The following ERC1 variants were observed in gnomAD, a reference collection of about 807,000 sequenced individuals.
ERC1 encodes the protein ELKS/RAB6-interacting/CAST family member 1.
ERC1 carries 56 observed loss-of-function variants against 132.0 expected under a neutral mutation model. The ratio of observed to expected loss-of-function variants is 0.42; its 90% CI spans 0.34 to 0.53. The LOEUF (loss-of-function observed/expected upper bound fraction) is 0.53, where lower values mean the gene tolerates loss of function less well. Among genes scored for constraint, ERC1 ranks in the 20% least tolerant of loss-of-function variants. The probability of loss-of-function intolerance (pLI) is 0.03; values close to 1 mark genes in which losing one functional copy is unlikely to be tolerated. For missense variants in ERC1, 1,202 were observed against 1,349.9 expected (o/e 0.89, Z 1.72); for synonymous variants, 478 against 476.1 (o/e 1.00, Z -0.05).
intron 15 of ERC1, among the ~76,000 whole-genome samples, chr12:1,353,904 C>T (rs902665913): frequency 1.3e-5 from 2 of 152,208 alleles, no homozygotes; most frequent in East Asian, 3.8e-4. Flanking sequence ...GCCTGTGAAT[C>T]TTTAACATGT....
intron 12 of ERC1, among the ~76,000 whole-genome samples, chr12:1,223,464 T>C (rs1477828490): frequency 6.6e-6 from 1 of 152,220 alleles, no homozygotes; most frequent in African/African-American, 2.4e-5. Flanking sequence ...ATTTAATAGG[T>C]CTGGCGTCAA....
chr12:1,119,888 C>A (rs1946888147), intron 7 of ERC1, among the ~76,000 whole-genome samples: 1 of 152,044 alleles, frequency 6.6e-6, no homozygotes, highest in Non-Finnish European at 1.5e-5. Flanking sequence ...ATTTCCTCAT[C>A]TATAAAATGA....
chr12:1,309,781 C>T (rs2081156345), intron 15 of ERC1, among the ~76,000 whole-genome samples: 2 of 150,082 alleles, frequency 1.3e-5, no homozygotes, highest in Admixed American at 1.3e-4. Flanking sequence ...GTTAAGGTCA[C>T]AGACTCGAGA....
At chr12:1,221,724 G>T (rs543944674) in intron 12 of ERC1, among the ~76,000 whole-genome samples, 3 of 152,174 alleles carry the variant, frequency 2.0e-5, no homozygotes, top group Non-Finnish European at 4.4e-5. Flanking sequence ...TACTCTTTGG[G>T]CAGGTATTTT....
intron 2 of ERC1, among the ~76,000 whole-genome samples, chr12:1,066,020 GA>G (rs1234799001): frequency 6.6e-6 from 1 of 152,216 alleles, no homozygotes; most frequent in East Asian, 1.9e-4. Context: ...GAAGAATGAG[GA>G]ATGGGAAGAA....
chr12:1,300,900 A>G (rs1416851676), intron 15 of ERC1, among the ~76,000 whole-genome samples: 2 of 152,234 alleles, frequency 1.3e-5, no homozygotes, highest in Admixed American at 6.5e-5. Flanking sequence ...GCGATTCCTC[A>G]AAGACCTAAA....
At chr12:1,009,466 G>A (rs888553835) in intron 1 of ERC1, among the ~76,000 whole-genome samples, 21 of 152,226 alleles carry the variant, frequency 1.4e-4, no homozygotes, top group East Asian at 5.8e-4. Context: ...GAGCCACCGC[G>A]CCCAGCCAAG....
At chr12:1,435,887 C>T (rs889716814) in intron 17 of ERC1, among the ~76,000 whole-genome samples, 1 of 152,276 alleles carries the variant, frequency 6.6e-6, no homozygotes, top group Non-Finnish European at 1.5e-5. Context: ...TCTTGGATTT[C>T]GGGTAATAGC....
In ERC1 at chr12:1,244,617, A is replaced by G. The variant is rs190593369; in HGVS notation, c.2487+7713A>G. The G allele has an allele frequency of 7.2e-4, 319 of 441,424 alleles. 1 individual carries two copies. The highest frequency in any genetic ancestry group is 5.5e-3 in the African/African-American group (271 of 49,522). 27.3% of individuals were successfully genotyped at this position (441,424 alleles called of 1,614,324 possible). ...GCTCACTGCAGCCTCCTTCTACCGG[A>G]TTCAAGTGATTCTCATGCCTCAGCC... On this transcript the variant is annotated intron_variant, in intron 13 of 18. Transcript: ENST00000360905.
At chr12:1,170,670 C>G (rs1216158765) in intron 8 of ERC1, among the ~76,000 whole-genome samples, 1 of 152,190 alleles carries the variant, frequency 6.6e-6, no homozygotes, top group African/African-American at 2.4e-5. Context: ...ATCTACCAGG[C>G]AGATCTTGAC....
intron 12 of ERC1, among the ~76,000 whole-genome samples, chr12:1,196,804 A>G (rs1243723713): frequency 1.4e-4 from 8 of 58,434 alleles, no homozygotes; most frequent in Non-Finnish European, 2.0e-4. Flanking sequence ...TGCGCACGCT[A>G]TTTCTCTCTC....
At chr12:1,063,885 A>G (rs976650216) in intron 2 of ERC1, among the ~76,000 whole-genome samples, 2 of 152,030 alleles carry the variant, frequency 1.3e-5, no homozygotes, top group African/African-American at 2.4e-5. Context: ...TGAATTTTAT[A>G]CTTTTATGTG....
chr12:1,154,990 CTGTA>C (rs1371361508), intron 8 of ERC1, among the ~76,000 whole-genome samples: 1 of 152,098 alleles, frequency 6.6e-6, no homozygotes, highest in Non-Finnish European at 1.5e-5. Flanking sequence ...TTATGGAAAA[CTGTA>C]TGGATATTTT....
chr12:1,139,237 C>A (rs995283082), intron 7 of ERC1, among the ~76,000 whole-genome samples: 27 of 152,048 alleles, frequency 1.8e-4, no homozygotes, highest in African/African-American at 6.5e-4. Context: ...TGTATTCCAC[C>A]CTGGAGGTGA....
At chr12:1,319,319 A>G (rs755315416) in intron 15 of ERC1, among the ~76,000 whole-genome samples, 1 of 152,146 alleles carries the variant, frequency 6.6e-6, no homozygotes, top group African/African-American at 2.4e-5. Flanking sequence ...CGCTTTAAGG[A>G]TAGTATTTAC....
chr12:1,180,629 C>T lies in ERC1; in HGVS notation c.1827C>T (p.Thr609=), dbSNP rs1566165005. 6.2e-7 allele frequency: 1 copy of T among 1,614,024 alleles called. No individual in the cohort carries two copies. The highest frequency in any genetic ancestry group is 1.3e-5 in the African/African-American group (1 of 74,908). ...TCAAATCCTTGCAGGCTGACACCAC[C>T]AACACTGACACTGCCTTGACAACTT... ...ERVKSLQADT[T]NTDTALTTLE... Residue 609 remains threonine, a synonymous_variant, in exon 9 of 19, where the codon ACC becomes ACT. Coordinates refer to ENST00000360905, the MANE Select transcript of ERC1 (RefSeq NM_178040.4).
At chr12:1,180,425 T>C in intron 8 of ERC1, 115 bp from the exon 9 acceptor site, 1 of 840,568 alleles carries the variant, frequency 1.2e-6, no homozygotes, top group Non-Finnish European at 1.8e-6. Flanking sequence ...TTCTACAGAA[T>C]GCACACACAC....
intron 14 of ERC1, among the ~76,000 whole-genome samples, chr12:1,269,569 GT>G (rs1206559990): frequency 6.6e-6 from 1 of 152,186 alleles, no homozygotes; most frequent in Non-Finnish European, 1.5e-5. Context: ...TCTGATTGAT[GT>G]TTTTAAAAGA....
chr12:1,329,217 C>T (rs2082690440), intron 15 of ERC1, among the ~76,000 whole-genome samples: 1 of 145,536 alleles, frequency 6.9e-6, no homozygotes, highest in Non-Finnish European at 1.5e-5. Flanking sequence ...TCACTTGAAC[C>T]CCAGAGGCGG....
Sources: allele counts gnomAD v4.1 joint callset (sites outside exome capture counted in the v4.1 genomes callset), GRCh38; gene constraint gnomAD v4.1.1; transcripts MANE v1.5; gene names NCBI Gene and HGNC (gene_info 2026-07-23, HGNC 2026-07-21).